PEPD: variants seen among roughly 807,000 people sequenced by gnomAD.
PEPD encodes the protein xaa-Pro dipeptidase.
Under a neutral mutation model 60.7 loss-of-function variants are expected in PEPD, and 53 were observed. The observed-to-expected ratio is 0.87, with a 90% CI of 0.70 to 1.10. The LOEUF (loss-of-function observed/expected upper bound fraction) is 1.10, where lower values mean the gene tolerates loss of function less well. Ranked by LOEUF, PEPD falls within the 50% of genes least tolerant of loss-of-function variation. The probability of loss-of-function intolerance (pLI) is 0.00; values close to 1 mark genes in which losing one functional copy is unlikely to be tolerated. For missense variants in PEPD, 711 were observed against 711.9 expected (o/e 1.00, Z 0.01); for synonymous variants, 267 against 284.1 (o/e 0.94, Z 0.60).
At chr19:33,460,126 G>C (rs368267657) in intron 9 of PEPD, among the ~76,000 whole-genome samples, 19 of 152,132 alleles carry the variant, frequency 1.2e-4, no homozygotes, top group Admixed American at 2.0e-4. Flanking sequence ...TTTATTCCCC[G>C]ACTAGTTAAG....
At chr19:33,388,338 C>T (rs976018116) in intron 13 of PEPD, 5 of 648,680 alleles carry the variant, frequency 7.7e-6, no homozygotes, top group Non-Finnish European at 1.4e-5. Context: ...TGTGGCCACC[C>T]ATGTGCACAC....
At chr19:33,426,456 T>C (rs372552120) in intron 9 of PEPD, among the ~76,000 whole-genome samples, 5 of 152,388 alleles carry the variant, frequency 3.3e-5, no homozygotes, top group African/African-American at 1.2e-4. Flanking sequence ...TCTAAAGCAC[T>C]GTCGCACCTG....
At chr19:33,493,243 C>A in intron 5 of PEPD, 47 bp downstream of exon 5, 2 of 1,429,008 alleles carry the variant, frequency 1.4e-6, no homozygotes, top group East Asian at 4.6e-5. Context: ...CATAAAAACC[C>A]TCCCCAGAGC....
rs1450446179 is a variant in PEPD, at chr19:33,501,095, C to T, written c.330-94G>A. ...CTGCCAAGCCCAGGCCATGGAGCCC[C>T]AGTCCCATCCCTATCACGGTCAGCA... On this transcript the variant is annotated intron_variant, in intron 3 of 14. Transcript: ENST00000244137. 5.0e-6 allele frequency: 4 copies of T among 805,740 alleles called. No homozygotes were observed. The East Asian group carries it at 9.7e-5, about 20-fold the overall frequency. 49.9% of individuals were successfully genotyped at this position (805,740 alleles called of 1,614,324 possible).
intron 7 of PEPD, among the ~76,000 whole-genome samples, chr19:33,470,870 C>T (rs1255557341): frequency 4.6e-5 from 7 of 152,156 alleles, no homozygotes; most frequent in African/African-American, 1.7e-4. Context: ...CAAAATCCCT[C>T]TGCCACTGCC....
intron 10 of PEPD, 74 bp from the exon 11 acceptor site, chr19:33,411,823 G>C (rs991892027): frequency 1.9e-5 from 17 of 888,536 alleles, no homozygotes; most frequent in Admixed American, 5.8e-5. Flanking sequence ...GTGGATGCTC[G>C]ATCCCCTGCC....
intron 9 of PEPD, among the ~76,000 whole-genome samples, chr19:33,422,833 T>TCTATCTATCTATCTATCTATCTAC (rs1969055250): frequency 7.6e-6 from 1 of 131,270 alleles, no homozygotes; most frequent in South Asian, 2.4e-4. Context: ...TATCTATCTA[T>TCTATCTATCTATCTATCTATCTAC]CTATCCATCT....
intron 9 of PEPD, among the ~76,000 whole-genome samples, chr19:33,434,955 G>A (rs575262690): frequency 3.9e-5 from 6 of 152,256 alleles, no homozygotes; most frequent in South Asian, 2.1e-4. Flanking sequence ...CCCTGAGGAC[G>A]GCCTGGAGGG....
At chr19:33,520,604 C>G (rs573628458) in intron 1 of PEPD, among the ~76,000 whole-genome samples, 2 of 152,290 alleles carry the variant, frequency 1.3e-5, no homozygotes, top group South Asian at 4.1e-4. Flanking sequence ...CAGGTGCCCA[C>G]AAAATATTTG....
intron 3 of PEPD, among the ~76,000 whole-genome samples, chr19:33,504,316 C>T (rs1219594403): frequency 6.6e-6 from 1 of 152,172 alleles, no homozygotes; most frequent in Non-Finnish European, 1.5e-5. Context: ...GCTGGAGAGG[C>T]CCCTGAGGGG....
intron 7 of PEPD, among the ~76,000 whole-genome samples, chr19:33,467,780 T>C (rs1020105176): frequency 6.6e-6 from 1 of 152,210 alleles, no homozygotes; most frequent in Non-Finnish European, 1.5e-5. Flanking sequence ...TTTGTACTAG[T>C]GGCTTTTTAA....
intron 9 of PEPD, among the ~76,000 whole-genome samples, chr19:33,426,170 T>C (rs1969143771): frequency 6.6e-6 from 1 of 151,954 alleles, no homozygotes; most frequent in African/African-American, 2.4e-5. Flanking sequence ...TCAGGTCTCA[T>C]GTCACTGCAC....
chr19:33,408,184 G>A (rs1218288317), intron 11 of PEPD, among the ~76,000 whole-genome samples: 2 of 152,248 alleles, frequency 1.3e-5, no homozygotes, highest in Non-Finnish European at 2.9e-5. Context: ...CTTTTGGGTC[G>A]AAGACACGGA....
intron 13 of PEPD, among the ~76,000 whole-genome samples, chr19:33,389,352 C>T (rs1321045693): frequency 6.6e-6 from 1 of 152,208 alleles, no homozygotes; most frequent in Non-Finnish European, 1.5e-5. Context: ...GGCTGAGGAA[C>T]CGTATGGAGT....
At chr19:33,442,542 T>TA (rs1555759972) in intron 9 of PEPD, among the ~76,000 whole-genome samples, 14 of 97,212 alleles carry the variant, frequency 1.4e-4, no homozygotes, top group Non-Finnish European at 2.5e-4. Context: ...CTACTAAAAA[T>TA]AAAATAAAAA....
At chr19:33,475,975 T>G in intron 7 of PEPD, among the ~76,000 whole-genome samples, 1 of 152,218 alleles carries the variant, frequency 6.6e-6, no homozygotes, top group East Asian at 1.9e-4. Flanking sequence ...TCCTCCTGCC[T>G]CAGCCTCCCA....
intron 11 of PEPD, among the ~76,000 whole-genome samples, chr19:33,403,120 G>A (rs1448806910): frequency 2.0e-5 from 3 of 152,202 alleles, no homozygotes; most frequent in African/African-American, 7.2e-5. Context: ...GACAAGGCTG[G>A]GCCTGGCTGA....
rs1568504819 is a variant in PEPD, at chr19:33,501,014, C to G, written c.330-13G>C. The G allele has an allele frequency of 6.4e-7, 1 of 1,552,710 alleles. No homozygotes were observed. Among genetic ancestry groups the G allele is most frequent in the Non-Finnish European group, 8.9e-7 (1 of 1,124,140 alleles). On this transcript the variant is annotated splice_polypyrimidine_tract_variant and intron_variant, in intron 3 of 14. Transcript: ENST00000244137. Reference sequence around the variant, plus strand: ...CTTGGAATGGATCCTCAAAGAAAAGCACAAGGAATATCAGGGTCAGGGCTT... The same window carrying G: ...CTTGGAATGGATCCTCAAAGAAAAGGACAAGGAATATCAGGGTCAGGGCTT...
intron 2 of PEPD, among the ~76,000 whole-genome samples, chr19:33,512,335 T>C (rs1226480823): frequency 6.6e-6 from 1 of 152,166 alleles, no homozygotes; most frequent in East Asian, 1.9e-4. Context: ...TTCCTGTGCC[T>C]GGGGACTGAG....
Sources: allele counts gnomAD v4.1 joint callset (sites outside exome capture counted in the v4.1 genomes callset), GRCh38; gene constraint gnomAD v4.1.1; transcripts MANE v1.5; gene names NCBI Gene and HGNC (gene_info 2026-07-23, HGNC 2026-07-21).